PFKFB3: variants seen among roughly 807,000 people sequenced by gnomAD.
The protein encoded by PFKFB3 is 6-phosphofructo-2-kinase/fructose-2,6-biphosphatase 3, also known as 6-phosphofructo-2-kinase/fructose-2,6-bisphosphatase 3.
PFKFB3 carries 33 observed loss-of-function variants against 68.0 expected under a neutral mutation model. The ratio of observed to expected loss-of-function variants is 0.49; its 90% CI spans 0.37 to 0.65. The LOEUF (loss-of-function observed/expected upper bound fraction) is 0.65. Among genes scored for constraint, PFKFB3 ranks in the 30% least tolerant of loss-of-function variants. The probability of loss-of-function intolerance (pLI) is 0.00; values close to 1 mark genes in which losing one functional copy is unlikely to be tolerated. For missense variants in PFKFB3, 586 were observed against 712.2 expected (o/e 0.82, Z 2.02); for synonymous variants, 315 against 288.2 (o/e 1.09, Z -0.94).
At chr10:6,223,047 T>G (rs1216842636) in intron 11 of PFKFB3, 63 bp downstream of exon 11, 1 of 1,540,666 alleles carries the variant, frequency 6.5e-7, no homozygotes, top group South Asian at 1.2e-5. Context: ...CGGCGGGGGG[T>G]CAGCCGCAGA....
chr10:6,256,925 G>A (rs183778285), downstream of PFKFB3, among the ~76,000 whole-genome samples: 265 of 152,262 alleles, frequency 1.7e-3, no homozygotes, highest in African/African-American at 5.9e-3. Flanking sequence ...AGACAAAAGC[G>A]TTCCAAATAG....
intron 1 of PFKFB3, among the ~76,000 whole-genome samples, chr10:6,152,673 G>A (rs1841631390): frequency 6.6e-6 from 1 of 150,504 alleles, no homozygotes; most frequent in African/African-American, 2.4e-5. Context: ...GCCCAGGAGA[G>A]TGAGACCAGC....
the PFKFB3 span, among the ~76,000 whole-genome samples, chr10:6,290,838 A>G: frequency 6.6e-6 from 1 of 151,950 alleles, no homozygotes; most frequent in Non-Finnish European, 1.5e-5. Flanking sequence ...TTTCTTTGGT[A>G]TTTATCATGC....
upstream of PFKFB3, chr10:6,202,899 C>T (rs1843424088): frequency 8.8e-7 from 1 of 1,131,064 alleles, no homozygotes; most frequent in African/African-American, 1.7e-5. Context: ...CCAGCCCGGA[C>T]TCTTTAAAAG....
chr10:6,184,119 C>T (rs1842802751), intron 1 of PFKFB3, among the ~76,000 whole-genome samples: 1 of 152,140 alleles, frequency 6.6e-6, no homozygotes, highest in Admixed American at 6.5e-5. Context: ...GTGGTGCCAT[C>T]TCGGCTCACT....
At chr10:6,214,735 C>T (rs567901394) in intron 2 of PFKFB3, among the ~76,000 whole-genome samples, 19 of 152,338 alleles carry the variant, frequency 1.2e-4, no homozygotes, top group African/African-American at 4.6e-4. Flanking sequence ...CTGTGCCCAG[C>T]TCAGTGCCCA....
chr10:6,155,322 C>G (rs1012203752), intron 1 of PFKFB3, among the ~76,000 whole-genome samples: 4 of 151,408 alleles, frequency 2.6e-5, no homozygotes, highest in African/African-American at 7.3e-5. Flanking sequence ...CCTGCCTCAG[C>G]CTCCCGAGTA....
chr10:6,188,078 C>CGT (rs1842923896), intron 1 of PFKFB3, among the ~76,000 whole-genome samples: 1 of 150,810 alleles, frequency 6.6e-6, no homozygotes, highest in South Asian at 2.1e-4. Context: ...TGTACGTGTG[C>CGT]GTGTGTGTGT....
the PFKFB3 span, among the ~76,000 whole-genome samples, chr10:6,289,218 A>C: frequency 4.2e-5 from 6 of 141,836 alleles, no homozygotes; most frequent in Non-Finnish European, 7.7e-5. Context: ...ATTAGATCTC[A>C]TTTGTCAATT....
At chr10:6,167,260 A>G (rs1290159749) in intron 1 of PFKFB3, among the ~76,000 whole-genome samples, 1 of 152,216 alleles carries the variant, frequency 6.6e-6, no homozygotes, top group Non-Finnish European at 1.5e-5. Context: ...TCAGCCCTCC[A>G]GGTGGTACCA....
At chr10:6,179,002 G>A (rs1251407521) in intron 1 of PFKFB3, among the ~76,000 whole-genome samples, 2 of 152,262 alleles carry the variant, frequency 1.3e-5, no homozygotes, top group East Asian at 1.9e-4. Context: ...CTCTGGAAGA[G>A]CAGTACTATC....
chr10:6,172,735 T>C (rs540445146), intron 1 of PFKFB3, among the ~76,000 whole-genome samples: 73 of 151,988 alleles, frequency 4.8e-4, no homozygotes, highest in African/African-American at 1.7e-3. Context: ...GGCAGGAGGA[T>C]TGCTTGAGCC....
At position 6,220,734 on chromosome 10, in the gene PFKFB3, CG is replaced by C; in HGVS notation, c.701del (p.Arg234ProfsTer6). ...CCGGGTGCAGGACCACATCCAGAGC[CG>C]CATCGTGTACTACCTGATGAACATC... Reference protein sequence around the residue: ...VNRVQDHIQSRIVYYLMNIHV... With the variant: ...VNRVQDHIQSXIVYYLMNIHV... On this transcript the variant is annotated frameshift_variant, in exon 8 of 15. Coordinates refer to ENST00000379775, the MANE Select transcript of PFKFB3 (RefSeq NM_004566.4). LOFTEE classifies it high-confidence loss of function. This position sits in a 1 kb window ranked among gnomAD's most constrained non-coding sequence, Gnocchi z 4.1. 6.2e-7 allele frequency: 1 copy of C among 1,614,008 alleles called. No homozygotes were observed. Among genetic ancestry groups the C allele is most frequent in the Non-Finnish European group, 8.5e-7 (1 of 1,179,984 alleles).
chr10:6,236,348 C>A (rs113152482), downstream of PFKFB3, among the ~76,000 whole-genome samples: 9,755 of 152,266 alleles, frequency 0.064, 601 homozygotes, highest in African/African-American at 0.15. Context: ...TGGAGCGTGG[C>A]AAACACCATG....
At chr10:6,289,846 T>C in the PFKFB3 span, among the ~76,000 whole-genome samples, 1 of 151,950 alleles carries the variant, frequency 6.6e-6, no homozygotes, top group African/African-American at 2.4e-5. Context: ...GCATGGAATG[T>C]TCTTCCATTT....
At chr10:6,317,840 G>A in the PFKFB3 span, among the ~76,000 whole-genome samples, 1 of 152,216 alleles carries the variant, frequency 6.6e-6, no homozygotes, top group African/African-American at 2.4e-5. Flanking sequence ...GGACCTGCGG[G>A]AGGGGCAGAC....
chr10:6,212,003 G>C (rs1163789674), intron 1 of PFKFB3, among the ~76,000 whole-genome samples: 1 of 152,246 alleles, frequency 6.6e-6, no homozygotes, highest in Non-Finnish European at 1.5e-5. Flanking sequence ...CGGCCCGTCT[G>C]AGGGGTGGTG....
At chr10:6,145,163 G>A in intron 1 of PFKFB3, 1 of 522,646 alleles carries the variant, frequency 1.9e-6, no homozygotes, top group Non-Finnish European at 3.0e-6. Context: ...AGCGAGACGC[G>A]CTCCGCCTTG....
the PFKFB3 span, among the ~76,000 whole-genome samples, chr10:6,273,432 C>T: frequency 1.3e-5 from 2 of 152,074 alleles, no homozygotes; most frequent in East Asian, 1.9e-4. Context: ...AACCTACAAT[C>T]GCACGGCCCT....
Sources: allele counts gnomAD v4.1 joint callset (sites outside exome capture counted in the v4.1 genomes callset), GRCh38; gene constraint gnomAD v4.1.1; non-coding constraint Gnocchi (gnomAD v3.1); transcripts MANE v1.5; gene names NCBI Gene and HGNC (gene_info 2026-07-23, HGNC 2026-07-21).